Variants in PIBF1 observed in about 807,000 individuals in gnomAD.
The protein encoded by PIBF1 is progesterone immunomodulatory binding factor 1, also known as progesterone-induced-blocking factor 1.
A neutral mutation model predicts 112.5 loss-of-function variants in PIBF1; 90 were observed. The observed-to-expected ratio is 0.80, with a 90% CI of 0.67 to 0.95. The LOEUF is 0.95. PIBF1 is among the 40% of genes least tolerant of loss of function. The pLI, the probability that PIBF1 is intolerant of heterozygous loss-of-function variation, is 0.00. For synonymous variants in PIBF1, 301 were observed against 288.6 expected (o/e 1.04, Z -0.44); for missense variants, 915 against 852.3 (o/e 1.07, Z -0.92).
At chr13:72,990,975 C>A (rs998607883) in intron 16 of PIBF1, among the ~76,000 whole-genome samples, 1 of 152,184 alleles carries the variant, frequency 6.6e-6, no homozygotes, top group Non-Finnish European at 1.5e-5. Flanking sequence ...AGTCACGATG[C>A]GTTGTTACTC....
At chr13:72,953,517 C>T (rs2042359382) in intron 14 of PIBF1, among the ~76,000 whole-genome samples, 1 of 152,156 alleles carries the variant, frequency 6.6e-6, no homozygotes, top group Admixed American at 6.5e-5. Context: ...CTCCCAGCAG[C>T]GGGTACCAGC....
chr13:72,999,260 G>A (rs1392528889), intron 17 of PIBF1, among the ~76,000 whole-genome samples: 2 of 150,880 alleles, frequency 1.3e-5, no homozygotes, highest in Non-Finnish European at 3.0e-5. Flanking sequence ...AAAAATATAT[G>A]TGCACAGAAA....
chr13:72,996,380 A>G (rs1208131442), intron 16 of PIBF1, among the ~76,000 whole-genome samples: 1 of 152,216 alleles, frequency 6.6e-6, no homozygotes, highest in Non-Finnish European at 1.5e-5. Context: ...CTTACATTTT[A>G]TCAATTATAA....
At chr13:72,941,074 C>T (rs1236567291) in intron 14 of PIBF1, among the ~76,000 whole-genome samples, 1 of 152,206 alleles carries the variant, frequency 6.6e-6, no homozygotes, top group Non-Finnish European at 1.5e-5. Flanking sequence ...TGCCTTAATT[C>T]TCCTTCCCAG....
chr13:72,829,259 C>T (rs1417145964), intron 8 of PIBF1, among the ~76,000 whole-genome samples: 2 of 152,168 alleles, frequency 1.3e-5, no homozygotes, highest in Non-Finnish European at 2.9e-5. Context: ...GTTTCTTTTG[C>T]TGTGCAGAAG....
chr13:72,804,999 G>C (rs529463294), intron 5 of PIBF1, among the ~76,000 whole-genome samples: 2 of 152,224 alleles, frequency 1.3e-5, no homozygotes, highest in South Asian at 2.1e-4. Flanking sequence ...TTGAGCCAGA[G>C]TCACACTCTT....
chr13:72,830,234 G>C (rs1291209017), intron 8 of PIBF1, among the ~76,000 whole-genome samples: 1 of 152,108 alleles, frequency 6.6e-6, no homozygotes, highest in African/African-American at 2.4e-5. Context: ...GAGACAATTT[G>C]ACTTTCTCTC....
chr13:72,943,014 T>C lies in PIBF1; in HGVS notation c.1833+11747T>C, dbSNP rs547711903. On this transcript the variant is annotated intron_variant, in intron 14 of 17. Coordinates refer to ENST00000326291, the MANE Select transcript of PIBF1 (RefSeq NM_006346.4). Reference sequence around the variant, plus strand: ...AGACTCTGTCTCAAAAAAAGAAAAATATCGTTTAGTAAAGAACAGTGGCAT... The same window carrying C: ...AGACTCTGTCTCAAAAAAAGAAAAACATCGTTTAGTAAAGAACAGTGGCAT... Among the ~76,000 whole-genome samples, 30 of 151,978 alleles carry C rather than the reference T, an allele frequency of 2.0e-4. 2 individuals carry two copies. The highest frequency in any genetic ancestry group is 8.3e-4 in the South Asian group (4 of 4,808).
At chr13:72,830,072 T>C (rs2037026747) in intron 8 of PIBF1, among the ~76,000 whole-genome samples, 1 of 152,192 alleles carries the variant, frequency 6.6e-6, no homozygotes, top group South Asian at 2.1e-4. Flanking sequence ...ATGATTTGGC[T>C]CTTTGTCTGT....
chr13:72,949,300 CTTTTTTTTTTTTTTTTTTT>C (rs71099771), intron 14 of PIBF1, among the ~76,000 whole-genome samples: 1 of 54,954 alleles, frequency 1.8e-5, no homozygotes, highest in African/African-American at 7.2e-5. Flanking sequence ...AAATAGCTGT[CTTTTTTTTTTTTTTTTTTT>C]TTTTTTTTTT....
chr13:72,799,713 T>G (rs2035377820), intron 5 of PIBF1, among the ~76,000 whole-genome samples: 1 of 152,086 alleles, frequency 6.6e-6, no homozygotes, highest in Non-Finnish European at 1.5e-5. Flanking sequence ...GGTACAGGGG[T>G]TATTGGGGAA....
intron 17 of PIBF1, among the ~76,000 whole-genome samples, chr13:73,002,729 A>G (rs2043909893): frequency 6.6e-6 from 1 of 152,138 alleles, no homozygotes; most frequent in Non-Finnish European, 1.5e-5. Flanking sequence ...CACACCTGTA[A>G]TCCCAGCACT....
intron 16 of PIBF1, among the ~76,000 whole-genome samples, chr13:72,975,656 A>C (rs954376491): frequency 6.6e-6 from 1 of 152,190 alleles, no homozygotes; most frequent in African/African-American, 2.4e-5. Context: ...ACATTTAGGA[A>C]GGTAAGTCAA....
intron 14 of PIBF1, among the ~76,000 whole-genome samples, chr13:72,944,733 AG>A (rs1209379082): frequency 1.3e-5 from 2 of 152,058 alleles, no homozygotes; most frequent in African/African-American, 4.8e-5. Context: ...TTTTAGATTC[AG>A]GGGTACATGG....
chr13:72,933,827 G>A (rs1349047334), intron 14 of PIBF1, among the ~76,000 whole-genome samples: 1 of 152,198 alleles, frequency 6.6e-6, no homozygotes, highest in East Asian at 1.9e-4. Flanking sequence ...AGACTTAAAT[G>A]CTGAAATATT....
At chr13:72,844,833 T>A (rs984930981) in intron 9 of PIBF1, among the ~76,000 whole-genome samples, 2 of 136,854 alleles carry the variant, frequency 1.5e-5, no homozygotes, top group Non-Finnish European at 3.1e-5. Flanking sequence ...CCAGGCTGGG[T>A]CTTGAACTCC....
intron 9 of PIBF1, among the ~76,000 whole-genome samples, chr13:72,841,383 G>T (rs1265403237): frequency 6.6e-6 from 1 of 152,140 alleles, no homozygotes; most frequent in East Asian, 1.9e-4. Context: ...AAGAGATTTG[G>T]ATCAAAAGAC....
At chr13:72,805,364 G>C (rs867110848) in intron 5 of PIBF1, among the ~76,000 whole-genome samples, 47 of 152,080 alleles carry the variant, frequency 3.1e-4, no homozygotes, top group Non-Finnish European at 1.3e-4. Flanking sequence ...GGATGGTCTC[G>C]ATCTCCTGAC....
intron 10 of PIBF1, among the ~76,000 whole-genome samples, chr13:72,858,202 C>T (rs2038530993): frequency 6.6e-6 from 1 of 152,034 alleles, no homozygotes. Context: ...CAGGCACGTG[C>T]CACCACACCC....
Sources: allele counts gnomAD v4.1 joint callset (sites outside exome capture counted in the v4.1 genomes callset), GRCh38; gene constraint gnomAD v4.1.1; transcripts MANE v1.5; gene names NCBI Gene and HGNC (gene_info 2026-07-23, HGNC 2026-07-21).